ST7: variants seen among roughly 807,000 people sequenced by gnomAD.
The protein encoded by ST7 is suppressor of tumorigenicity 7 protein.
ST7 carries 28 observed loss-of-function variants against 78.7 expected under a neutral mutation model. That is an observed-to-expected ratio of 0.36 (90% confidence interval 0.26 to 0.49). The LOEUF is 0.49. ST7 is among the 20% of genes least tolerant of loss of function. The pLI is 0.99. For synonymous variants in ST7, 247 were observed against 249.6 expected, an observed-to-expected ratio of 0.99 and a Z score of 0.10; for missense variants, 418 against 696.0, an observed-to-expected ratio of 0.60 and a Z score of 4.49.
At chr7:117,022,890 T>G (rs1297415054) in intron 1 of ST7, 1 of 152,198 alleles carries the variant, frequency 6.6e-6, no homozygotes, top group Non-Finnish European at 1.5e-5. Context: ...TTTGCCCATG[T>G]TTATACCCAT....
chr7:117,205,327 G>A (rs1791651311), intron 12 of ST7, among the ~76,000 whole-genome samples: 1 of 151,960 alleles, frequency 6.6e-6, no homozygotes, highest in South Asian at 2.1e-4. Flanking sequence ...TTCACTACCT[G>A]GTTTTGGGAG....
chr7:116,998,185 T>A (rs1264661935), intron 1 of ST7, among the ~76,000 whole-genome samples: 1 of 152,160 alleles, frequency 6.6e-6, no homozygotes, highest in Non-Finnish European at 1.5e-5. Flanking sequence ...AGCGTAGCGC[T>A]GGCGGGCCGG....
At chr7:116,986,759 G>A (rs1794209461) in intron 1 of ST7, among the ~76,000 whole-genome samples, 1 of 152,168 alleles carries the variant, frequency 6.6e-6, no homozygotes, top group African/African-American at 2.4e-5. Flanking sequence ...ATGTGAGTCT[G>A]GAGGTAGAGA....
intron 1 of ST7, among the ~76,000 whole-genome samples, chr7:117,070,731 G>C (rs1295563102): frequency 6.6e-6 from 1 of 151,840 alleles, no homozygotes; most frequent in African/African-American, 2.4e-5. Context: ...TTTTAGTAGA[G>C]ACGGGGTTTC....
intron 1 of ST7, among the ~76,000 whole-genome samples, chr7:116,998,317 AC>A (rs1439548696): frequency 6.6e-6 from 1 of 151,908 alleles, no homozygotes; most frequent in Non-Finnish European, 1.5e-5. Context: ...GCCCACACCC[AC>A]CCGGAACTCA....
At chr7:117,085,726 T>C (rs1022678624) in intron 1 of ST7, among the ~76,000 whole-genome samples, 4 of 152,210 alleles carry the variant, frequency 2.6e-5, no homozygotes, top group African/African-American at 9.6e-5. Flanking sequence ...CTTCCAGTAA[T>C]GTTTTCCTCC....
chr7:117,179,456 T>C (rs38869), intron 10 of ST7, among the ~76,000 whole-genome samples: 22,111 of 152,132 alleles, frequency 0.15, 3,207 homozygotes, highest in African/African-American at 0.37. Flanking sequence ...ATAAAGATTG[T>C]GATACACTTT....
chr7:116,968,022 C>G (rs1793213384), intron 1 of ST7, among the ~76,000 whole-genome samples: 1 of 152,144 alleles, frequency 6.6e-6, no homozygotes, highest in African/African-American at 2.4e-5. Flanking sequence ...TATATTATCT[C>G]TTTCTTAACT....
intron 12 of ST7, among the ~76,000 whole-genome samples, chr7:117,193,150 TAC>T (rs137866535): frequency 0.012 from 1,699 of 144,050 alleles, 8 homozygotes; most frequent in Non-Finnish European, 0.011. Flanking sequence ...CTTTAGCAGA[TAC>T]ACACACACAC....
At chr7:117,121,188 C>T (rs1803338140) in intron 3 of ST7, among the ~76,000 whole-genome samples, 1 of 152,210 alleles carries the variant, frequency 6.6e-6, no homozygotes, top group South Asian at 2.1e-4. Flanking sequence ...CACCACTGCT[C>T]ATGCCTGGTG....
chr7:116,974,796 A>T (rs1023365553), intron 1 of ST7, among the ~76,000 whole-genome samples: 1 of 152,180 alleles, frequency 6.6e-6, no homozygotes, highest in African/African-American at 2.4e-5. Context: ...TGCATTTTTA[A>T]TATAATTATA....
intron 1 of ST7, among the ~76,000 whole-genome samples, chr7:116,961,444 G>A (rs1399422772): frequency 1.3e-5 from 2 of 151,994 alleles, no homozygotes; most frequent in Admixed American, 6.6e-5. Flanking sequence ...CTTCCTATCC[G>A]TGAGCATGGG....
chr7:117,093,388 C>G (rs1800777203), intron 1 of ST7, among the ~76,000 whole-genome samples: 1 of 152,176 alleles, frequency 6.6e-6, no homozygotes, highest in Non-Finnish European at 1.5e-5. Context: ...CCCCTGCATT[C>G]TACAACTATA....
intron 1 of ST7, among the ~76,000 whole-genome samples, chr7:117,027,498 T>TAAAGTAAAGTAAAGTAAAGTA (rs140342030): frequency 0.022 from 337 of 15,616 alleles, no homozygotes; most frequent in African/African-American, 0.05. Context: ...TAAAGTAAAG[T>TAAAGTAAAGTAAAGTAAAGTA]AAGTAAAGTA....
intron 1 of ST7, among the ~76,000 whole-genome samples, chr7:116,979,702 A>G (rs575586316): frequency 3.4e-4 from 52 of 152,144 alleles, no homozygotes; most frequent in African/African-American, 1.2e-3. Flanking sequence ...TCCTGCCTCT[A>G]ATCTCTCCTA....
intron 1 of ST7, chr7:117,098,566 T>C: frequency 3.7e-6 from 1 of 270,852 alleles, no homozygotes; most frequent in South Asian, 4.1e-5. Flanking sequence ...GGGAACTGTG[T>C]CTGATTCATT....
chr7:117,197,183 C>T (rs1248848859), intron 12 of ST7, among the ~76,000 whole-genome samples: 4 of 152,106 alleles, frequency 2.6e-5, no homozygotes, highest in Admixed American at 1.3e-4. Context: ...TATAGGTATG[C>T]GCCCCTACAC....
intron 1 of ST7, among the ~76,000 whole-genome samples, chr7:116,965,339 CAAAAAAAAA>C (rs975151437): frequency 2.0e-5 from 1 of 50,300 alleles, no homozygotes; most frequent in Non-Finnish European, 4.6e-5. Context: ...GACTCCGTCT[CAAAAAAAAA>C]AAAAAAAAAA....
At chr7:117,086,894 C>T (rs1200296517) in intron 1 of ST7, among the ~76,000 whole-genome samples, 1 of 152,102 alleles carries the variant, frequency 6.6e-6, no homozygotes, top group Non-Finnish European at 1.5e-5. Context: ...AATAATAAAG[C>T]CAAGGGCTTA....
Sources: allele counts gnomAD v4.1 joint callset (sites outside exome capture counted in the v4.1 genomes callset), GRCh38; gene constraint gnomAD v4.1.1; transcripts MANE v1.5; gene names NCBI Gene and HGNC (gene_info 2026-07-23, HGNC 2026-07-21).